The following USO1 variants were observed in gnomAD, a reference collection of about 807,000 sequenced individuals.
USO1 encodes the protein general vesicular transport factor p115.
Under a neutral mutation model 124.5 loss-of-function variants are expected in USO1, and 57 were observed. That is an observed-to-expected ratio of 0.46 (90% CI 0.37 to 0.57). The LOEUF is 0.57. Ranked by LOEUF, USO1 falls within the 20% of genes least tolerant of loss-of-function variation. The pLI, the probability that USO1 is intolerant of heterozygous loss-of-function variation, is 0.00. For missense variants in USO1, 900 were observed against 1,040.6 expected (o/e 0.86, Z 1.86); for synonymous variants, 369 against 362.8 (o/e 1.02, Z -0.19).
intron 23 of USO1, among the ~76,000 whole-genome samples, 188 bp downstream of exon 23, chr4:75,812,563 C>T (rs1723180014): frequency 6.6e-6 from 1 of 152,132 alleles, no homozygotes. Flanking sequence ...AGATTAGGTT[C>T]AGTTTTCAGT....
At chr4:75,745,843 T>G (rs149778157) in intron 1 of USO1, among the ~76,000 whole-genome samples, 7 of 151,936 alleles carry the variant, frequency 4.6e-5, no homozygotes. Flanking sequence ...GAGGTTGCAG[T>G]GAGCTGAAAT....
intron 4 of USO1, among the ~76,000 whole-genome samples, chr4:75,763,146 C>T (rs1721669518): frequency 6.6e-6 from 1 of 152,128 alleles, no homozygotes; most frequent in Admixed American, 6.5e-5. Flanking sequence ...GTTTACACCT[C>T]TGGAAAAAGT....
chr4:75,806,438 C>G (rs1241956343), intron 19 of USO1, 48 bp from the exon 20 acceptor site: 9 of 1,539,998 alleles, frequency 5.8e-6, no homozygotes, highest in African/African-American at 1.4e-5. Context: ...TTTTTCTCAT[C>G]TCTTTAGACT....
chr4:75,803,586 G>A (rs907563296), intron 17 of USO1, among the ~76,000 whole-genome samples: 4 of 150,624 alleles, frequency 2.7e-5, no homozygotes, highest in African/African-American at 9.8e-5. Flanking sequence ...GGAGGCAGAG[G>A]TTGCAGTGAG....
intron 1 of USO1, among the ~76,000 whole-genome samples, chr4:75,742,425 C>T (rs1287896633): frequency 6.6e-6 from 1 of 152,084 alleles, no homozygotes; most frequent in Admixed American, 6.5e-5. Flanking sequence ...GTAGGCCATG[C>T]GTATTTTAAA....
intron 1 of USO1, among the ~76,000 whole-genome samples, chr4:75,736,833 A>C (rs1720806569): frequency 6.6e-6 from 1 of 152,148 alleles, no homozygotes; most frequent in South Asian, 2.1e-4. Context: ...TCTTTTTTCT[A>C]CTGTCATTCC....
At chr4:75,757,894 G>A (rs1365923495) in intron 4 of USO1, among the ~76,000 whole-genome samples, 1 of 151,946 alleles carries the variant, frequency 6.6e-6, no homozygotes, top group African/African-American at 2.4e-5. Flanking sequence ...TATGGCTATT[G>A]ATTGAAAATT....
At chr4:75,741,263 T>C (rs1041202399) in intron 1 of USO1, among the ~76,000 whole-genome samples, 3 of 152,208 alleles carry the variant, frequency 2.0e-5, no homozygotes, top group Admixed American at 6.5e-5. Context: ...AGTATGCCTA[T>C]ATAGGTCGCT....
At chr4:75,741,601 C>CTTTTTT (rs34702586) in intron 1 of USO1, among the ~76,000 whole-genome samples, 2 of 78,854 alleles carry the variant, frequency 2.5e-5, no homozygotes, top group African/African-American at 5.3e-5. Flanking sequence ...ACTTTTTAAA[C>CTTTTTT]TTTTTTTTTT....
chr4:75,742,826 T>A (rs1374847193), intron 1 of USO1, among the ~76,000 whole-genome samples: 1 of 152,166 alleles, frequency 6.6e-6, no homozygotes, highest in Non-Finnish European at 1.5e-5. Context: ...GATGAGAGTG[T>A]TGAGAACTAA....
At chr4:75,753,205 G>A (rs1478212711) in intron 3 of USO1, among the ~76,000 whole-genome samples, 3 of 151,952 alleles carry the variant, frequency 2.0e-5, no homozygotes, top group African/African-American at 7.3e-5. Context: ...GATTGCTTGA[G>A]CCCAGGAGTT....
chr4:75,760,219 A>C (rs530816709), intron 4 of USO1, among the ~76,000 whole-genome samples: 29 of 152,306 alleles, frequency 1.9e-4, no homozygotes, highest in African/African-American at 5.8e-4. Flanking sequence ...CTCAAAAATA[A>C]AATAAAATAA....
intron 17 of USO1, among the ~76,000 whole-genome samples, chr4:75,802,865 C>T (rs569209378): frequency 2.6e-4 from 38 of 146,662 alleles, no homozygotes; most frequent in African/African-American, 9.2e-4. Flanking sequence ...GGCAGATTAC[C>T]TGAGGTCGGG....
chr4:75,805,447 C>G, intron 19 of USO1, 144 bp downstream of exon 19: 1 of 1,227,304 alleles, frequency 8.1e-7, no homozygotes, highest in Middle Eastern at 3.0e-4. Context: ...TGGCTTACGC[C>G]TGTAATCCTA....
chr4:75,802,793 A>C (rs1447364478), intron 17 of USO1, among the ~76,000 whole-genome samples: 1 of 113,808 alleles, frequency 8.8e-6, no homozygotes, highest in African/African-American at 3.5e-5. Context: ...CCCAGGCTGG[A>C]GTGCAGTGGC....
chr4:75,798,345 A>G (rs891426039), intron 13 of USO1, among the ~76,000 whole-genome samples: 1 of 152,218 alleles, frequency 6.6e-6, no homozygotes, highest in Non-Finnish European at 1.5e-5. Flanking sequence ...ATGAACTTAT[A>G]TATAACCAGG....
At chr4:75,745,270 C>T (rs909733787) in intron 1 of USO1, 2 of 495,516 alleles carry the variant, frequency 4.0e-6, no homozygotes, top group African/African-American at 2.0e-5. Context: ...ATAACTTTCC[C>T]AAATTGAGGC....
At position 75,765,316 on chromosome 4, in the gene USO1, T is replaced by C. The variant is rs80283376; in HGVS notation, c.296-5123T>C. On this transcript the variant is annotated intron_variant, in intron 4 of 23. Coordinates refer to ENST00000514213, the MANE Select transcript of USO1 (RefSeq NM_003715.4). ...TTGTATAATTTCTTTATCTGCTTTT[T>C]TATCTATACAGTTTCACTAGAATTT... is the stretch of plus-strand genomic sequence containing the variant. 5.6e-3 allele frequency among the ~76,000 whole-genome samples: 854 copies of C among 152,300 alleles called. 2 individuals are homozygous for C. Among genetic ancestry groups the C allele is most frequent in the Non-Finnish European group, 9.5e-3 (646 of 68,010 alleles).
Position 75,790,659 on chromosome 4 carries a change from C to G in USO1, c.1102C>G (p.Leu368Val). The G allele has an allele frequency of 6.2e-7, 1 of 1,609,334 alleles. No individual in the cohort carries two copies. Among genetic ancestry groups the G allele is most frequent in the South Asian group, 1.1e-5 (1 of 89,644 alleles). The change falls in exon 12 of 24, where the codon CTT becomes GTT. Residue 368 changes from leucine to valine, a missense_variant. Coordinates refer to ENST00000514213, the MANE Select transcript of USO1 (RefSeq NM_003715.4). The stretch of plus-strand genomic sequence containing the variant: ...ATGCAACAGACCGGCAATTGTAGTA[C>G]TTCTCATGTCCATGGTTAATGAAAG... ...SNPPRPAIVV[L>V]LMSMVNERQP... is the part of the protein sequence containing the mutation.
Sources: gnomAD v4.1 joint callset for allele counts (sites outside exome capture counted in the v4.1 genomes callset) on GRCh38, gnomAD v4.1.1 for gene constraint, MANE v1.5 for transcripts, NCBI Gene and HGNC (gene_info 2026-07-23, HGNC 2026-07-21) for gene names.